The following NKAIN3 variants were observed in gnomAD, a reference collection of about 807,000 sequenced individuals.
NKAIN3 encodes the protein sodium/potassium-transporting ATPase subunit beta-1-interacting protein 3.
NKAIN3 carries 25 observed loss-of-function variants against 30.2 expected under a neutral mutation model. The ratio of observed to expected loss-of-function variants is 0.83; its 90% CI spans 0.60 to 1.16. NKAIN3 has a LOEUF of 1.16. Ranked by LOEUF, NKAIN3 falls within the 50% of genes most tolerant of loss-of-function variation. NKAIN3 has a pLI of 0.00. For missense variants in NKAIN3, 225 were observed against 254.1 expected (o/e 0.89, Z 0.78); for synonymous variants, 91 against 89.6 (o/e 1.02, Z -0.09).
intron 4 of NKAIN3, among the ~76,000 whole-genome samples, chr8:62,809,128 A>G (rs1044695252): frequency 6.6e-6 from 1 of 152,198 alleles, no homozygotes. Context: ...GCTCTCAGGT[A>G]GTCAGACCTA....
At chr8:62,414,900 T>C (rs898316746) in intron 1 of NKAIN3, among the ~76,000 whole-genome samples, 72 of 151,632 alleles carry the variant, frequency 4.7e-4, no homozygotes, top group African/African-American at 1.6e-3. Context: ...CCCAGCACAC[T>C]TTCAAGTCAA....
chr8:62,375,125 A>G (rs1331300919), intron 1 of NKAIN3, among the ~76,000 whole-genome samples: 3 of 152,222 alleles, frequency 2.0e-5, no homozygotes, highest in African/African-American at 7.2e-5. Context: ...AACCTTACAC[A>G]TTTTGAATTA....
At chr8:62,266,715 T>C (rs374380942) in intron 1 of NKAIN3, among the ~76,000 whole-genome samples, 1 of 152,088 alleles carries the variant, frequency 6.6e-6, no homozygotes, top group African/African-American at 2.4e-5. Flanking sequence ...TAAGACAAGC[T>C]CACCAGTGTG....
intron 1 of NKAIN3, among the ~76,000 whole-genome samples, chr8:62,428,353 G>A (rs1584692): frequency 0.14 from 21,039 of 151,674 alleles, 1,752 homozygotes; most frequent in East Asian, 0.41. Flanking sequence ...TTTTGAATAC[G>A]TACCCAGAAG....
chr8:62,844,146 C>T (rs1819607800), intron 4 of NKAIN3, among the ~76,000 whole-genome samples: 1 of 152,140 alleles, frequency 6.6e-6, no homozygotes, highest in Non-Finnish European at 1.5e-5. Flanking sequence ...CACAAACATG[C>T]AGATTATTGG....
At chr8:62,643,012 T>C (rs773740006) in intron 3 of NKAIN3, among the ~76,000 whole-genome samples, 46 of 152,268 alleles carry the variant, frequency 3.0e-4, no homozygotes, top group Non-Finnish European at 5.4e-4. Flanking sequence ...TTTTGGAGCA[T>C]TTTTTGGTTC....
At chr8:62,718,954 C>T (rs1050925846) in intron 3 of NKAIN3, among the ~76,000 whole-genome samples, 1 of 152,116 alleles carries the variant, frequency 6.6e-6, no homozygotes, top group Non-Finnish European at 1.5e-5. Context: ...AGGCATCGCA[C>T]ATAAATAGAT....
chr8:62,457,833 A>G (rs1026825505), intron 1 of NKAIN3, among the ~76,000 whole-genome samples: 2 of 152,208 alleles, frequency 1.3e-5, no homozygotes, highest in Non-Finnish European at 2.9e-5. Flanking sequence ...TACCACAGAC[A>G]TTAGCATCTG....
At chr8:62,488,941 T>C (rs1806984834) in intron 1 of NKAIN3, among the ~76,000 whole-genome samples, 1 of 152,188 alleles carries the variant, frequency 6.6e-6, no homozygotes, top group South Asian at 2.1e-4. Context: ...ATTCATATTT[T>C]ATATATTCTA....
chr8:62,850,731 GT>G (rs1008107338), intron 4 of NKAIN3, among the ~76,000 whole-genome samples: 14 of 152,014 alleles, frequency 9.2e-5, no homozygotes, highest in Admixed American at 2.0e-4. Flanking sequence ...CCCATTGCTT[GT>G]TTTTCTCAGG....
At chr8:62,893,723 T>A (rs910084021) in intron 4 of NKAIN3, among the ~76,000 whole-genome samples, 7 of 152,228 alleles carry the variant, frequency 4.6e-5, no homozygotes, top group South Asian at 2.1e-4. Flanking sequence ...TATATATAAC[T>A]GGGAAGGTAA....
At chr8:62,489,499 G>A (rs1178894019) in intron 1 of NKAIN3, among the ~76,000 whole-genome samples, 1 of 152,152 alleles carries the variant, frequency 6.6e-6, no homozygotes, top group Non-Finnish European at 1.5e-5. Context: ...GAAGGTCTTT[G>A]CAGTCTTAAA....
intron 5 of NKAIN3, among the ~76,000 whole-genome samples, chr8:62,922,953 A>T (rs1586351143): frequency 6.6e-6 from 1 of 152,090 alleles, no homozygotes; most frequent in Admixed American, 6.6e-5. Context: ...TTTGCTCCCC[A>T]CTGTAACCCT....
chr8:62,743,303 G>A (rs949143334), intron 3 of NKAIN3, among the ~76,000 whole-genome samples: 1 of 152,124 alleles, frequency 6.6e-6, no homozygotes, highest in Middle Eastern at 3.4e-3. Context: ...AAAAAAAAAT[G>A]TTTCTAATCT....
At chr8:62,268,487 G>A (rs1381043029) in intron 1 of NKAIN3, among the ~76,000 whole-genome samples, 1 of 152,126 alleles carries the variant, frequency 6.6e-6, no homozygotes, top group Non-Finnish European at 1.5e-5. Context: ...AAGGACTGGA[G>A]AATGGCTGTT....
chr8:62,320,674 G>A (rs1391416335), intron 1 of NKAIN3, among the ~76,000 whole-genome samples: 2 of 152,194 alleles, frequency 1.3e-5, no homozygotes, highest in African/African-American at 2.4e-5. Flanking sequence ...ACTCTCTTCT[G>A]GCTTGTAGAG....
intron 4 of NKAIN3, among the ~76,000 whole-genome samples, chr8:62,870,229 T>TATATAGATATCTATATATAG (rs1820565092): frequency 7.2e-6 from 1 of 138,748 alleles, no homozygotes; most frequent in Non-Finnish European, 1.6e-5. Flanking sequence ...TCTATATCTA[T>TATATAGATATCTATATATAG]ATATAGATAT....
At chr8:62,307,944 A>G (rs1374563712) in intron 1 of NKAIN3, among the ~76,000 whole-genome samples, 2 of 150,296 alleles carry the variant, frequency 1.3e-5, no homozygotes, top group Admixed American at 1.3e-4. Context: ...GACTCAGGCA[A>G]ATAGAGCTGG....
intron 5 of NKAIN3, among the ~76,000 whole-genome samples, chr8:62,920,544 T>C (rs539318246): frequency 6.6e-6 from 1 of 152,348 alleles, no homozygotes; most frequent in African/African-American, 2.4e-5. Flanking sequence ...TCAGTGTATA[T>C]AAATTGTATT....
Sources: gnomAD v4.1 joint callset for allele counts (sites outside exome capture counted in the v4.1 genomes callset) on GRCh38, gnomAD v4.1.1 for gene constraint, MANE v1.5 for transcripts, NCBI Gene and HGNC (gene_info 2026-07-23, HGNC 2026-07-21) for gene names.